The following ANK3 variants were observed in gnomAD, a reference collection of about 807,000 sequenced individuals.
ANK3 encodes ankyrin-3.
ANK3 carries 57 observed loss-of-function variants against 370.9 expected under a neutral mutation model. That is an observed-to-expected ratio of 0.15 (90% CI 0.12 to 0.19). The LOEUF is 0.19. Among genes scored for constraint, ANK3 ranks in the 10% least tolerant of loss-of-function variants. The pLI is 1.00. For missense variants in ANK3, 4,439 were observed against 5,302.1 expected (o/e 0.84, Z 5.06); for synonymous variants, 1,929 against 1,946.3 (o/e 0.99, Z 0.23).
At chr10:60,200,258 G>A in intron 12 of ANK3, 31 bp from the exon 13 acceptor site, 1 of 1,543,920 alleles carries the variant, frequency 6.5e-7, no homozygotes, top group Non-Finnish European at 9.0e-7. Context: ...TAAATTAGCT[G>A]CAGCTCTGAA....
intron 1 of ANK3, among the ~76,000 whole-genome samples, chr10:60,682,618 T>C (rs1477974987): frequency 6.6e-6 from 1 of 152,140 alleles, no homozygotes; most frequent in African/African-American, 2.4e-5. Context: ...TTAAGACCCT[T>C]CCTGGTTAGG....
At chr10:60,373,840 TG>T (rs1566911452) in intron 1 of ANK3, among the ~76,000 whole-genome samples, 1 of 152,070 alleles carries the variant, frequency 6.6e-6, no homozygotes, top group East Asian at 1.9e-4. Context: ...CTTTCAGTCC[TG>T]GGCAAACCAG....
chr10:60,700,095 G>A (rs1465244155), intron 1 of ANK3, among the ~76,000 whole-genome samples: 1 of 152,032 alleles, frequency 6.6e-6, no homozygotes, highest in Non-Finnish European at 1.5e-5. Flanking sequence ...GTCAGCTTCT[G>A]GGGACTTTTT....
intron 1 of ANK3, among the ~76,000 whole-genome samples, chr10:60,360,526 T>C (rs1224155122): frequency 2.0e-5 from 3 of 152,082 alleles, no homozygotes; most frequent in Admixed American, 6.5e-5. Flanking sequence ...CTGGATAACA[T>C]AGTAAGACCC....
intron 1 of ANK3, among the ~76,000 whole-genome samples, chr10:60,355,634 A>T (rs2057608866): frequency 6.6e-6 from 1 of 152,116 alleles, no homozygotes; most frequent in African/African-American, 2.4e-5. Flanking sequence ...CTTCTAACCT[A>T]CTCACAAAAG....
At chr10:60,129,162 A>G (rs937730079) in intron 25 of ANK3, among the ~76,000 whole-genome samples, 1 of 152,218 alleles carries the variant, frequency 6.6e-6, no homozygotes, top group Non-Finnish European at 1.5e-5. Context: ...TGACATACCA[A>G]TACACACCAA....
At chr10:60,148,348 A>G (rs2094930061) in intron 23 of ANK3, among the ~76,000 whole-genome samples, 1 of 152,166 alleles carries the variant, frequency 6.6e-6, no homozygotes. Flanking sequence ...ATCACATAGG[A>G]CATTTTTCAT....
intron 9 of ANK3, among the ~76,000 whole-genome samples, chr10:60,209,474 G>A (rs1029341479): frequency 1.3e-5 from 2 of 152,108 alleles, no homozygotes; most frequent in Admixed American, 6.6e-5. Context: ...TTTGTGTTCC[G>A]TGAAGGCAAG....
chr10:60,262,492 T>C (rs2097822373), intron 6 of ANK3, among the ~76,000 whole-genome samples: 1 of 152,206 alleles, frequency 6.6e-6, no homozygotes, highest in Non-Finnish European at 1.5e-5. Context: ...ATCTCTTTGT[T>C]AGCCAATGCC....
At chr10:60,583,997 T>TA (rs1567164115) in intron 2 of ANK3, among the ~76,000 whole-genome samples, 1 of 152,186 alleles carries the variant, frequency 6.6e-6, no homozygotes. Flanking sequence ...AACCATCACA[T>TA]TGTACCCCCA....
chr10:60,401,726 A>C (rs955462806), intron 2 of ANK3, among the ~76,000 whole-genome samples: 2 of 152,210 alleles, frequency 1.3e-5, no homozygotes. Context: ...TGTGATGTAC[A>C]TGTCATTTTT....
At chr10:60,572,425 G>C in intron 2 of ANK3, 1 of 1,526,330 alleles carries the variant, frequency 6.6e-7, no homozygotes, top group Non-Finnish European at 8.8e-7. Context: ...CCCAGAGCCA[G>C]AGAACAATGA....
chr10:60,409,425 T>C (rs1471450748), intron 2 of ANK3, among the ~76,000 whole-genome samples: 4 of 152,232 alleles, frequency 2.6e-5, no homozygotes, highest in Non-Finnish European at 4.4e-5. Context: ...TATCATTTGT[T>C]TAAAAAACAA....
chr10:60,633,326 T>G (rs1295408593), intron 1 of ANK3, among the ~76,000 whole-genome samples: 1 of 151,998 alleles, frequency 6.6e-6, no homozygotes, highest in Non-Finnish European at 1.5e-5. Context: ...GAAACAAAAA[T>G]GTAAATCACA....
chr10:60,187,167 T>TATTTTA (rs1223236308), intron 16 of ANK3, among the ~76,000 whole-genome samples: 1 of 151,700 alleles, frequency 6.6e-6, no homozygotes, highest in African/African-American at 2.4e-5. Context: ...TATTTTATTT[T>TATTTTA]ATTTTTTGAG....
chr10:60,630,748 C>A (rs2078470651), intron 1 of ANK3, among the ~76,000 whole-genome samples: 1 of 152,062 alleles, frequency 6.6e-6, no homozygotes, highest in African/African-American at 2.4e-5. Flanking sequence ...GCACAGAGGT[C>A]AGTGGGGGTA....
At chr10:60,249,090 A>G (rs1342350233) in intron 7 of ANK3, among the ~76,000 whole-genome samples, 1 of 152,186 alleles carries the variant, frequency 6.6e-6, no homozygotes, top group African/African-American at 2.4e-5. Flanking sequence ...AAGCTCAATC[A>G]AAAGTAGCCT....
intron 24 of ANK3, chr10:60,137,328 C>G (rs1022986228): frequency 3.1e-6 from 1 of 326,636 alleles, no homozygotes; most frequent in Non-Finnish European, 5.8e-6. Context: ...TATAAAAGTG[C>G]CATGTCTTCT....
intron 28 of ANK3, among the ~76,000 whole-genome samples, chr10:60,089,265 A>G (rs1031508106): frequency 7.2e-5 from 11 of 152,202 alleles, no homozygotes; most frequent in African/African-American, 2.7e-4. Flanking sequence ...AAGGGTTTAC[A>G]ATCTGCTCAT....
Sources: allele counts gnomAD v4.1 joint callset (sites outside exome capture counted in the v4.1 genomes callset), GRCh38; gene constraint gnomAD v4.1.1; transcripts MANE v1.5; gene names NCBI Gene and HGNC (gene_info 2026-07-23, HGNC 2026-07-21).